Variants in SP3 observed in about 807,000 individuals in gnomAD.
SP3 encodes the protein Sp3 transcription factor, also known as transcription factor Sp3.
A neutral mutation model predicts 70.3 loss-of-function variants in SP3; 10 were observed. The ratio of observed to expected loss-of-function variants is 0.14; its 90% CI spans 0.09 to 0.24. The LOEUF is 0.24. Among genes scored for constraint, SP3 ranks in the 10% least tolerant of loss-of-function variants. SP3 has a pLI of 1.00. For missense variants in SP3, 825 were observed against 914.6 expected (o/e 0.90, Z 1.26); for synonymous variants, 402 against 333.5 (o/e 1.21, Z -2.24).
At chr2:173,956,937 T>G (rs1370293650) in intron 3 of SP3, among the ~76,000 whole-genome samples, 1 of 152,180 alleles carries the variant, frequency 6.6e-6, no homozygotes, top group Non-Finnish European at 1.5e-5. Context: ...GGCATATACC[T>G]TTTGTATTCT....
At chr2:173,957,109 C>A (rs1690920028) in intron 3 of SP3, among the ~76,000 whole-genome samples, 1 of 152,200 alleles carries the variant, frequency 6.6e-6, no homozygotes, top group South Asian at 2.1e-4. Flanking sequence ...ACAAAAAAAT[C>A]TTAAGTTTCT....
chr2:173,955,002 C>T lies in SP3; in HGVS notation c.1510G>A (p.Gly504Arg). The change falls in exon 4 of 7, where the codon GGA (glycine) becomes AGA (arginine). Residue 504 changes from glycine (G) to arginine (R), a missense_variant. By Grantham distance (125) the Gly-to-Arg change is moderately radical. Transcript: ENST00000310015. Reference protein sequence around the residue: ...TLTLGQVAAGGAFTSTPVSLS... With the variant: ...TLTLGQVAAGRAFTSTPVSLS... Reference sequence around the variant, plus strand: ...CTAACTGGAGTTGAAGTGAAGGCTCCACCTGCCGCAACTTGACCAAGTGTG... The same window carrying T: ...CTAACTGGAGTTGAAGTGAAGGCTCTACCTGCCGCAACTTGACCAAGTGTG... The T allele has an allele frequency of 6.2e-7, 1 of 1,614,152 alleles. No homozygotes were observed. Among genetic ancestry groups the T allele is most frequent in the Non-Finnish European group, 8.5e-7 (1 of 1,180,020 alleles).
At position 173,965,286 on chromosome 2, in the gene SP3, T is replaced by C; in HGVS notation, c.-115A>G. Reference sequence around the variant, plus strand: ...GCGGCGGCGGACACGGCCGGAGCGGTCCGGGGATTTTTTTTTCCTATTTTG... The same window carrying C: ...GCGGCGGCGGACACGGCCGGAGCGGCCCGGGGATTTTTTTTTCCTATTTTG... On this transcript the variant is annotated 5_prime_UTR_variant, in exon 1 of 7. Coordinates refer to ENST00000310015, the MANE Select transcript of SP3 (RefSeq NM_003111.5). 2 of 1,253,786 alleles carry C rather than the reference T, an allele frequency of 1.6e-6. No individual in the cohort carries two copies. Among genetic ancestry groups the C allele is most frequent in the Non-Finnish European group, 2.2e-6 (2 of 893,126 alleles). The allele number at this position is 1,253,786 out of a possible 1,614,324, so 77.7% of individuals were successfully genotyped here.
chr2:173,930,380 AAC>A (rs1690034999), intron 4 of SP3, among the ~76,000 whole-genome samples: 1 of 152,170 alleles, frequency 6.6e-6, no homozygotes. Flanking sequence ...TAGCCTGGGT[AAC>A]ACAGGGAGAC....
At chr2:173,933,673 A>ATATATATATATATAT (rs1559098593) in intron 4 of SP3, among the ~76,000 whole-genome samples, 4 of 61,650 alleles carry the variant, frequency 6.5e-5, no homozygotes, top group Admixed American at 1.5e-4. Context: ...TATATATATA[A>ATATATATATATATAT]AAGTTATAAA....
chr2:173,963,310 A>G (rs1407885053), intron 3 of SP3: 1 of 152,180 alleles, frequency 6.6e-6, no homozygotes, highest in Non-Finnish European at 1.5e-5. Flanking sequence ...TTTTTTTAAT[A>G]ATGTATGATT....
chr2:173,942,224 C>T (rs1574415248), intron 4 of SP3, among the ~76,000 whole-genome samples: 1 of 152,278 alleles, frequency 6.6e-6, no homozygotes, highest in East Asian at 1.9e-4. Flanking sequence ...AAGTTGTTGG[C>T]ACTTCTAGAA....
chr2:173,910,367 A>G, intron 6 of SP3, 110 bp from the exon 7 acceptor site: 1 of 786,430 alleles, frequency 1.3e-6, no homozygotes, highest in Non-Finnish European at 2.0e-6. Context: ...GGATGGGAGC[A>G]GGGGTCTATT....
chr2:173,964,683 CCCGG>C, intron 1 of SP3, 130 bp from the exon 2 acceptor site: 1 of 384,304 alleles, frequency 2.6e-6, no homozygotes, highest in Non-Finnish European at 4.6e-6. Context: ...CCACCCGCCC[CCCGG>C]CGGCGGCGGC....
Position 173,930,528 on chromosome 2 carries a change from ATC to A in SP3, c.1640-11745_1640-11744del, listed in dbSNP as rs542053123. ...AAACTAACCAATTATTTTCTAGCTCATCTCTTTCTTATAACACCTTGTCAAAT... is the reference window on the plus strand; with the variant it reads ...AAACTAACCAATTATTTTCTAGCTCATCTTTCTTATAACACCTTGTCAAAT... On this transcript the variant is annotated intron_variant, in intron 4 of 6. Coordinates refer to ENST00000310015, the MANE Select transcript of SP3 (RefSeq NM_003111.5). 3.3e-4 allele frequency among the ~76,000 whole-genome samples: 51 copies of A among 152,316 alleles called. No homozygotes were observed. The South Asian group carries it at 0.01, about 30-fold the overall frequency.
chr2:173,938,139 A>T (rs530767445), intron 4 of SP3, among the ~76,000 whole-genome samples: 6 of 152,328 alleles, frequency 3.9e-5, no homozygotes, highest in Admixed American at 3.9e-4. Context: ...AATTTAACAC[A>T]ATTACAGAAT....
At chr2:173,935,897 G>A (rs993729957) in intron 4 of SP3, among the ~76,000 whole-genome samples, 2 of 142,300 alleles carry the variant, frequency 1.4e-5, no homozygotes, top group South Asian at 2.1e-4. Flanking sequence ...AATCACCAAC[G>A]GATTCATCTC....
At position 173,905,185 on chromosome 2, in the gene SP3, T is replaced by C. The variant is rs575981515; in HGVS notation, c.*4756A>G. Among the ~76,000 whole-genome samples, 1 of 152,256 alleles carries C rather than the reference T, an allele frequency of 6.6e-6. No individual in the cohort carries two copies. Among genetic ancestry groups the C allele is most frequent in the African/African-American group, 2.4e-5 (1 of 41,556 alleles). On this transcript the variant is annotated 3_prime_UTR_variant, in exon 7 of 7. Coordinates refer to ENST00000310015, the MANE Select transcript of SP3 (RefSeq NM_003111.5). Reference sequence around the variant, plus strand: ...AAGACTTCTTCTCATTTTGGAAAAATCAATGTATGAACCATAGTCAAACAA... The same window carrying C: ...AAGACTTCTTCTCATTTTGGAAAAACCAATGTATGAACCATAGTCAAACAA...
intron 5 of SP3, chr2:173,914,099 T>TC (rs1689563176): frequency 6.6e-6 from 1 of 152,160 alleles, no homozygotes; most frequent in African/African-American, 2.4e-5. Context: ...AAGAAAACTT[T>TC]TTTGATCCCA....
In SP3 at chr2:173,905,688, A is replaced by C. The variant is rs77123682; in HGVS notation, c.*4253T>G. Among the ~76,000 whole-genome samples the C allele has an allele frequency of 1.3e-5, 2 of 152,060 alleles. No individual in the cohort carries two copies. Among genetic ancestry groups the C allele is most frequent in the Non-Finnish European group, 2.9e-5 (2 of 68,014 alleles). On this transcript the variant is annotated 3_prime_UTR_variant, in exon 7 of 7. Transcript: ENST00000310015. The stretch of plus-strand genomic sequence containing the variant: ...AAAAGCCAACATGGGAAAAAAAAAA[A>C]CCTTGTATACCCTTTAGACTCCAGA...
chr2:173,963,584 G>A (rs1450800991), intron 3 of SP3, among the ~76,000 whole-genome samples, 177 bp downstream of exon 3: 3 of 152,168 alleles, frequency 2.0e-5, no homozygotes, highest in East Asian at 3.8e-4. Context: ...GAAAGCCTGG[G>A]CTGGCTTCAG....
chr2:173,944,713 T>C (rs1690482642), intron 4 of SP3, among the ~76,000 whole-genome samples: 1 of 152,252 alleles, frequency 6.6e-6, no homozygotes, highest in Non-Finnish European at 1.5e-5. Flanking sequence ...CCAGAATCCT[T>C]ATTTGCATTA....
rs1207672909 is a variant in SP3 at position 173,955,838 on chromosome 2, T to C, written c.674A>G (p.Gln225Arg). Residue 225 changes from glutamine to arginine, a missense_variant, in exon 4 of 7, where the codon CAG (glutamine) becomes CGG (arginine). Transcript: ENST00000310015. The stretch of plus-strand genomic sequence containing the variant: ...TTGACCAGTCTGTGGTATGAGATTC[T>C]GGATGTTAGCAGAAGGTGTTCCAGA... ...LASGTPSANI[Q>R]NLIPQTGQVQ... 1 of 1,614,246 alleles carries C rather than the reference T, an allele frequency of 6.2e-7. No homozygotes were observed. The highest frequency in any genetic ancestry group is 1.7e-5 in the Admixed American group (1 of 60,026).
chr2:173,914,871 TA>T (rs1256311070), intron 5 of SP3: 1 of 152,174 alleles, frequency 6.6e-6, no homozygotes, highest in Non-Finnish European at 1.5e-5. Flanking sequence ...TTTTATTATT[TA>T]AAAATCCCTA....
Sources: allele counts gnomAD v4.1 joint callset (sites outside exome capture counted in the v4.1 genomes callset), GRCh38; gene constraint gnomAD v4.1.1; transcripts MANE v1.5; gene names NCBI Gene and HGNC (gene_info 2026-07-23, HGNC 2026-07-21).